Variants in PODXL2 observed in about 807,000 individuals in gnomAD.
PODXL2 encodes the protein podocalyxin like 2.
In PODXL2, 17 loss-of-function variants were observed where a neutral mutation model predicts 53.4. The ratio of observed to expected loss-of-function variants is 0.32; its 90% confidence interval spans 0.22 to 0.48. PODXL2 has a LOEUF of 0.48. Ranked by LOEUF, PODXL2 falls within the 20% of genes least tolerant of loss-of-function variation. PODXL2 has a pLI of 0.99. For synonymous variants in PODXL2, 311 were observed against 306.7 expected (o/e 1.01, Z -0.15); for missense variants, 673 against 760.0 (o/e 0.89, Z 1.35).
intron 2 of PODXL2, among the ~76,000 whole-genome samples, chr3:127,650,003 A>G (rs1283521215): frequency 1.3e-5 from 2 of 151,960 alleles, no homozygotes; most frequent in African/African-American, 4.9e-5. Context: ...AGACATATTT[A>G]TTTTTAATTT....
chr3:127,633,445 T>C (rs1231786773), intron 1 of PODXL2, among the ~76,000 whole-genome samples: 1 of 150,970 alleles, frequency 6.6e-6, no homozygotes, highest in East Asian at 2.0e-4. Context: ...ATTTCATTTG[T>C]AAAACAAGAG....
Position 127,672,283 on chromosome 3 carries a change from C to G in PODXL2, c.1621C>G (p.Leu541Val). The change falls in exon 8 of 8, where the codon CTG becomes GTG. Residue 541 changes from leucine to valine, a missense_variant. Leu to Val is a conservative substitution (Grantham distance 32). Around this residue, in one of 3 missense-constraint regions of PODXL2, gnomAD observed 588 missense variants for 668.3 expected, o/e 0.88. Transcript: ENST00000342480. ...CCCGCCTCAGTCGCACGGCGAGGAG[C>G]TGCGCTTCGTGGAGAACGGCTGCCA... ...KLKHVSHGEELRFVENGCHDN... is the reference protein window; with the variant it reads ...KLKHVSHGEEVRFVENGCHDN... 6.5e-7 allele frequency: 1 copy of G among 1,545,518 alleles called. No individual in the cohort carries two copies. Among genetic ancestry groups the G allele is most frequent in the East Asian group, 2.4e-5 (1 of 40,972 alleles).
intron 4 of PODXL2, among the ~76,000 whole-genome samples, chr3:127,666,609 G>A (rs1027327984): frequency 1.5e-4 from 23 of 152,070 alleles, no homozygotes; most frequent in South Asian, 4.1e-4. Flanking sequence ...GGAGTTTGCC[G>A]TGTTGTCTGT....
At chr3:127,661,603 A>G (rs893517341) in intron 3 of PODXL2, among the ~76,000 whole-genome samples, 1 of 151,940 alleles carries the variant, frequency 6.6e-6, no homozygotes, top group Non-Finnish European at 1.5e-5. Context: ...TGCCTGGCTA[A>G]TTTTTGTATT....
intron 4 of PODXL2, among the ~76,000 whole-genome samples, chr3:127,666,362 CTTTT>C (rs58975531): frequency 7.0e-6 from 1 of 142,842 alleles, no homozygotes; most frequent in Admixed American, 7.0e-5. Flanking sequence ...AGAGGTACTT[CTTTT>C]TTTTTTTTTT....
At position 127,666,349 on chromosome 3, in the gene PODXL2, C is replaced by G. The variant is rs188362972; in HGVS notation, c.1207-2092C>G. On this transcript the variant is annotated intron_variant, in intron 4 of 7. Coordinates refer to ENST00000342480, the MANE Select transcript of PODXL2 (RefSeq NM_015720.4). ...GTTTTTAAATAGGGAAACTGAGGCTCAGAGAGGTACTTCTTTTTTTTTTTT... is the reference window on the plus strand; with the variant it reads ...GTTTTTAAATAGGGAAACTGAGGCTGAGAGAGGTACTTCTTTTTTTTTTTT... Among the ~76,000 whole-genome samples the G allele has an allele frequency of 6.3e-5, 9 of 143,016 alleles. No individual in the cohort carries two copies. In the East Asian group the frequency reaches 1.9e-3, roughly 30 times the overall value. The allele number at this position is 143,016 out of a possible 152,430, so 93.8% of individuals were successfully genotyped here.
At chr3:127,667,603 G>A (rs1390458024) in intron 4 of PODXL2, among the ~76,000 whole-genome samples, 1 of 152,246 alleles carries the variant, frequency 6.6e-6, no homozygotes. Context: ...GTTCTGGCCT[G>A]TGCCCCAGCC....
At chr3:127,671,679 C>T in intron 7 of PODXL2, 66 bp downstream of exon 7, 1 of 1,480,320 alleles carries the variant, frequency 6.8e-7, no homozygotes, top group Non-Finnish European at 9.3e-7. Context: ...TAGGTGTCCT[C>T]ATCTGCAAGG....
chr3:127,654,345 C>T (rs1377414753), intron 2 of PODXL2, among the ~76,000 whole-genome samples: 5 of 152,214 alleles, frequency 3.3e-5, no homozygotes, highest in Admixed American at 6.5e-5. Flanking sequence ...TGAATCGTAC[C>T]GTGGTTCTGC....
At position 127,671,600 on chromosome 3, in the gene PODXL2, A is replaced by T; in HGVS notation, c.1592A>T (p.Lys531Met). 1.2e-6 allele frequency: 2 copies of T among 1,613,588 alleles called. No individual in the cohort carries two copies. Among genetic ancestry groups the T allele is most frequent in the South Asian group, 2.2e-5 (2 of 91,088 alleles). The change falls in exon 7 of 8, where the codon AAG (lysine) becomes ATG (methionine). Residue 531 changes from lysine (K) to methionine (M), a missense_variant. Coordinates refer to ENST00000342480, the MANE Select transcript of PODXL2 (RefSeq NM_015720.4). Reference protein sequence around the residue: ...LYNCWQRRLPKLKHVSHGEEL... With the variant: ...LYNCWQRRLPMLKHVSHGEEL... ...AACTGCTGGCAGCGCCGGCTGCCCA[A>T]GCTCAAGCACGTGGTGAGTGTGGGG... is the stretch of plus-strand genomic sequence containing the variant.
At chr3:127,642,604 C>A (rs2074628186) in intron 2 of PODXL2, among the ~76,000 whole-genome samples, 1 of 152,036 alleles carries the variant, frequency 6.6e-6, no homozygotes, top group African/African-American at 2.4e-5. Flanking sequence ...CCGCACCCCC[C>A]ACCAAGTGTT....
chr3:127,652,317 T>C (rs992146989), intron 2 of PODXL2, among the ~76,000 whole-genome samples: 2 of 152,162 alleles, frequency 1.3e-5, no homozygotes, highest in African/African-American at 2.4e-5. Flanking sequence ...CTGAGGGCTC[T>C]GGGGAACATG....
chr3:127,640,060 G>A (rs772704643), intron 2 of PODXL2, among the ~76,000 whole-genome samples: 5 of 152,228 alleles, frequency 3.3e-5, no homozygotes, highest in Non-Finnish European at 7.3e-5. Flanking sequence ...TCATGCACCA[G>A]AGCTAGAGCT....
chr3:127,639,211 C>T (rs375898516), intron 1 of PODXL2, 34 bp from the exon 2 acceptor site: 6 of 1,547,156 alleles, frequency 3.9e-6, no homozygotes, highest in Non-Finnish European at 5.2e-6. Flanking sequence ...CTTCTCTAGC[C>T]TCCCCTGACT....
At chr3:127,671,188 C>T (rs1324344570) in intron 6 of PODXL2, among the ~76,000 whole-genome samples, 1 of 152,122 alleles carries the variant, frequency 6.6e-6, no homozygotes, top group South Asian at 2.1e-4. Flanking sequence ...GGGGCAGAAG[C>T]TATGGTGGGA....
intron 1 of PODXL2, among the ~76,000 whole-genome samples, chr3:127,638,818 G>C (rs6786036): frequency 0.05 from 7,627 of 152,268 alleles, 616 homozygotes; most frequent in African/African-American, 0.17. Context: ...TTCAGCCAAG[G>C]ATGGAAGCCT....
chr3:127,629,407 G>A lies in PODXL2; in HGVS notation c.70+118G>A. 2.5e-6 allele frequency: 2 copies of A among 794,288 alleles called. No individual in the cohort carries two copies. Among genetic ancestry groups the A allele is most frequent in the Non-Finnish European group, 3.1e-6 (2 of 655,668 alleles). 49.2% of individuals were successfully genotyped at this position (794,288 alleles called of 1,614,324 possible). A position where few individuals can be genotyped will look rare whatever the true frequency, so the allele number is the denominator to read the frequency against. On this transcript the variant is annotated intron_variant, in intron 1 of 7. Coordinates refer to ENST00000342480, the MANE Select transcript of PODXL2 (RefSeq NM_015720.4). This position sits in a 1 kb window ranked among gnomAD's most constrained non-coding sequence, Gnocchi z 6.4. ...GTGCGGCGCCGCCGGGAGCGCGCGTGTCCCGGCCGGGCCGCGGCGCCGCCC... is the reference window on the plus strand; with the variant it reads ...GTGCGGCGCCGCCGGGAGCGCGCGTATCCCGGCCGGGCCGCGGCGCCGCCC...
At position 127,672,653 on chromosome 3, in the gene PODXL2, A is replaced by C. The variant is rs1576439187; in HGVS notation, c.*173A>C. 2.1e-6 allele frequency: 1 copy of C among 476,430 alleles called. No homozygotes were observed. Among genetic ancestry groups the C allele is most frequent in the Non-Finnish European group, 3.6e-6 (1 of 276,740 alleles). The allele number at this position is 476,430 out of a possible 1,614,324, so 29.5% of individuals were successfully genotyped here. A position where few individuals can be genotyped will look rare whatever the true frequency, so the allele number is the denominator to read the frequency against. On this transcript the variant is annotated 3_prime_UTR_variant, in exon 8 of 8. Coordinates refer to ENST00000342480, the MANE Select transcript of PODXL2 (RefSeq NM_015720.4). ...GACTTCACACGGCGGCTTCGGACCA[A>C]CTCCCTCACTCCCGCCCGAGGGGCA...
intron 7 of PODXL2, among the ~76,000 whole-genome samples, chr3:127,671,983 CG>C (rs2074847319): frequency 6.6e-6 from 1 of 152,228 alleles, no homozygotes. Flanking sequence ...CAGGAGGAAG[CG>C]AGCAGAGCCC....
Sources: gnomAD v4.1 joint callset for allele counts (sites outside exome capture counted in the v4.1 genomes callset) on GRCh38, gnomAD v4.1.1 for gene constraint, gnomAD v4.1.1 regional missense constraint, Gnocchi (gnomAD v3.1) non-coding constraint, MANE v1.5 for transcripts, NCBI Gene and HGNC (gene_info 2026-07-23, HGNC 2026-07-21) for gene names.